The following DNAJB13 variants were observed in gnomAD, a reference collection of about 807,000 sequenced individuals.
DNAJB13 encodes the protein DnaJ heat shock protein family (Hsp40) member B13, also known as dnaJ homolog subfamily B member 13.
Under a neutral mutation model 35.6 loss-of-function variants are expected in DNAJB13, and 22 were observed. That is an observed-to-expected ratio of 0.62 (90% confidence interval 0.44 to 0.88). The LOEUF is 0.88. Among genes scored for constraint, DNAJB13 ranks in the 40% least tolerant of loss-of-function variants. DNAJB13 has a pLI of 0.00. For synonymous variants in DNAJB13, 136 were observed against 144.2 expected (o/e 0.94, Z 0.41); for missense variants, 370 against 384.3 (o/e 0.96, Z 0.31).
intron 4 of DNAJB13, chr11:73,965,248 C>T (rs1342169065): frequency 4.4e-6 from 2 of 458,764 alleles, no homozygotes; most frequent in Non-Finnish European, 7.5e-6. Flanking sequence ...TGCAGGAGTG[C>T]CCTCTGCAGC....
chr11:73,965,068 C>A, intron 4 of DNAJB13, 33 bp downstream of exon 4: 1 of 1,531,696 alleles, frequency 6.5e-7, no homozygotes. Flanking sequence ...CCGGGAGCCA[C>A]CTATCTCCTG....
In DNAJB13 at chr11:73,958,306, C is replaced by G. The variant is rs774459652; in HGVS notation, c.69-11C>G. On this transcript the variant is annotated splice_polypyrimidine_tract_variant and intron_variant, in intron 1 of 7. Coordinates refer to ENST00000339764, the MANE Select transcript of DNAJB13 (RefSeq NM_153614.4). ...AGCTGATAAGACTTGTATTAATTCT[C>G]CCTCTTCCAGGTACCGCAGACTCGC... 6 of 1,613,572 alleles carry G rather than the reference C, an allele frequency of 3.7e-6. No homozygotes were observed. The East Asian group carries it at 1.3e-4, about 36-fold the overall frequency.
At chr11:73,957,420 C>T (rs551099648) in intron 1 of DNAJB13, among the ~76,000 whole-genome samples, 1 of 152,298 alleles carries the variant, frequency 6.6e-6, no homozygotes, top group South Asian at 2.1e-4. Flanking sequence ...GGCGAATGGT[C>T]CCTTTATTAA....
rs563826526 is a variant in DNAJB13, at chr11:73,951,227, G to A, written c.68+90G>A. 6.6e-4 allele frequency: 987 copies of A among 1,486,182 alleles called. 1 individual carries two copies. The highest frequency in any genetic ancestry group is 8.9e-4 in the Non-Finnish European group (953 of 1,075,728). 92.1% of individuals were successfully genotyped at this position (1,486,182 alleles called of 1,614,324 possible). ...AAAACGAGCTTTCCTGCACAGCTTA[G>A]CGCAGACAAGGTAAACCTTGTTCCT... On this transcript the variant is annotated intron_variant, in intron 1 of 7. Transcript: ENST00000339764.
At chr11:73,954,031 AATAAT>A (rs1308403761) in intron 1 of DNAJB13, among the ~76,000 whole-genome samples, 4 of 146,614 alleles carry the variant, frequency 2.7e-5, no homozygotes, top group African/African-American at 1.0e-4. Context: ...TAATAATAAT[AATAAT>A]AATAATGGCT....
chr11:73,968,579 C>A, intron 6 of DNAJB13, 121 bp downstream of exon 6: 1 of 767,612 alleles, frequency 1.3e-6, no homozygotes, highest in Non-Finnish European at 2.1e-6. Flanking sequence ...CCTGTGGATT[C>A]CACCCTCTAA....
Sources: gnomAD v4.1 joint callset for allele counts (sites outside exome capture counted in the v4.1 genomes callset) on GRCh38, gnomAD v4.1.1 for gene constraint, MANE v1.5 for transcripts, NCBI Gene and HGNC (gene_info 2026-07-23, HGNC 2026-07-21) for gene names.